Variants in CDH12 observed in about 807,000 individuals in gnomAD.
CDH12 encodes cadherin 12.
Under a neutral mutation model 74.1 loss-of-function variants are expected in CDH12, and 41 were observed. That is an observed-to-expected ratio of 0.55 (90% CI 0.43 to 0.72). CDH12 has a LOEUF of 0.72. CDH12 is among the 30% of genes least tolerant of loss of function. CDH12 has a pLI of 0.00. For synonymous variants in CDH12, 399 were observed against 355.0 expected, an observed-to-expected ratio of 1.12 and a Z score of -1.39; for missense variants, 945 against 977.2, an observed-to-expected ratio of 0.97 and a Z score of 0.44.
chr5:22,037,498 C>G (rs566591692), intron 5 of CDH12, among the ~76,000 whole-genome samples: 10 of 152,234 alleles, frequency 6.6e-5, no homozygotes, highest in African/African-American at 2.4e-4. Flanking sequence ...CCAAGAGGCC[C>G]CAGATGGAAT....
intron 5 of CDH12, among the ~76,000 whole-genome samples, chr5:22,061,105 A>G (rs974903712): frequency 3.3e-5 from 5 of 152,150 alleles, no homozygotes; most frequent in African/African-American, 1.2e-4. Context: ...ATGCAACAGC[A>G]CTCTTTAATA....
intron 3 of CDH12, among the ~76,000 whole-genome samples, chr5:22,321,946 A>G (rs913458360): frequency 6.6e-6 from 1 of 152,196 alleles, no homozygotes; most frequent in Non-Finnish European, 1.5e-5. Context: ...ATCTTGATAG[A>G]ACAATTGACT....
At chr5:22,114,733 T>C (rs184229345) in intron 4 of CDH12, among the ~76,000 whole-genome samples, 106 of 152,302 alleles carry the variant, frequency 7.0e-4, no homozygotes, top group African/African-American at 2.1e-3. Context: ...AGGATTCTAT[T>C]TGAAGCCACG....
At chr5:21,898,442 G>C (rs911446076) in intron 6 of CDH12, among the ~76,000 whole-genome samples, 5 of 152,020 alleles carry the variant, frequency 3.3e-5, no homozygotes, top group Non-Finnish European at 5.9e-5. Flanking sequence ...GTGGCTCACG[G>C]CTGTAATCCC....
At chr5:21,970,576 A>T (rs892648970) in intron 6 of CDH12, among the ~76,000 whole-genome samples, 2 of 152,050 alleles carry the variant, frequency 1.3e-5, no homozygotes, top group Non-Finnish European at 2.9e-5. Flanking sequence ...ACTGTGGCTC[A>T]TGTCCTTAAC....
In CDH12 at chr5:22,489,900, T is replaced by C. The variant is rs1029414580; in HGVS notation, c.-428+15370A>G. Among the ~76,000 whole-genome samples, 5 of 152,008 alleles carry C rather than the reference T, an allele frequency of 3.3e-5. No individual in the cohort carries two copies. The East Asian group carries it at 7.8e-4, about 24-fold the overall frequency. ...CTCCCTATGTTGCCCAGGCTGGTCTTGAATTCCTGAGCTCAAGTGAGATCC... is the reference window on the plus strand; with the variant it reads ...CTCCCTATGTTGCCCAGGCTGGTCTCGAATTCCTGAGCTCAAGTGAGATCC... On this transcript the variant is annotated intron_variant, in intron 2 of 14. Transcript: ENST00000382254.
intron 4 of CDH12, among the ~76,000 whole-genome samples, chr5:22,190,737 C>A (rs1750228019): frequency 6.6e-6 from 1 of 152,128 alleles, no homozygotes; most frequent in Admixed American, 6.5e-5. Context: ...CCTAGCAGAC[C>A]TGCCAGAGCT....
intron 3 of CDH12, among the ~76,000 whole-genome samples, chr5:22,221,492 A>G (rs1752012596): frequency 6.6e-6 from 1 of 151,858 alleles, no homozygotes; most frequent in African/African-American, 2.4e-5. Flanking sequence ...TCTTTATCAC[A>G]TGGTGTTTTA....
At chr5:22,548,102 T>A (rs1270500604) in intron 1 of CDH12, among the ~76,000 whole-genome samples, 1 of 152,220 alleles carries the variant, frequency 6.6e-6, no homozygotes. Flanking sequence ...ACTAAAAACA[T>A]CTACTTTACA....
intron 4 of CDH12, among the ~76,000 whole-genome samples, chr5:22,199,276 T>C (rs576271028): frequency 2.0e-5 from 3 of 152,158 alleles, no homozygotes; most frequent in South Asian, 4.1e-4. Flanking sequence ...GAAGAGACTC[T>C]ATGTTGATAC....
At chr5:22,437,709 C>T (rs1744462927) in intron 2 of CDH12, among the ~76,000 whole-genome samples, 1 of 151,512 alleles carries the variant, frequency 6.6e-6, no homozygotes, top group Non-Finnish European at 1.5e-5. Context: ...GCTAAGGACT[C>T]TCACAATCAA....
intron 7 of CDH12, among the ~76,000 whole-genome samples, chr5:21,852,253 A>C (rs2149998038): frequency 6.6e-6 from 1 of 151,496 alleles, no homozygotes; most frequent in Admixed American, 6.6e-5. Flanking sequence ...TGTTAATATC[A>C]AGACTTCTGT....
At chr5:22,142,499 G>C in intron 4 of CDH12, 1 of 650,984 alleles carries the variant, frequency 1.5e-6, no homozygotes, top group Middle Eastern at 2.7e-4. Flanking sequence ...TGGGGTTCAG[G>C]ATACCGAATC....
chr5:22,741,795 C>G (rs1745036875), intron 1 of CDH12, among the ~76,000 whole-genome samples: 1 of 152,154 alleles, frequency 6.6e-6, no homozygotes, highest in South Asian at 2.1e-4. Context: ...CAAGGGTTTA[C>G]CACCATTTGG....
chr5:22,843,886 C>T (rs961195712), intron 1 of CDH12, among the ~76,000 whole-genome samples: 1 of 151,998 alleles, frequency 6.6e-6, no homozygotes, highest in Non-Finnish European at 1.5e-5. Flanking sequence ...AGAAATATGA[C>T]TTTTTAAAAA....
intron 5 of CDH12, among the ~76,000 whole-genome samples, chr5:22,029,195 GGC>G (rs1738621908): frequency 1.3e-5 from 2 of 152,064 alleles, no homozygotes; most frequent in African/African-American, 4.8e-5. Context: ...TCAGGACATA[GGC>G]ATGGGCAAGG....
At chr5:22,098,720 C>A (rs1199430498) in intron 4 of CDH12, among the ~76,000 whole-genome samples, 2 of 152,158 alleles carry the variant, frequency 1.3e-5, no homozygotes, top group Non-Finnish European at 2.9e-5. Context: ...CCTGATACCA[C>A]ACCTGACCCC....
chr5:21,955,294 T>C (rs1756045563), intron 6 of CDH12, among the ~76,000 whole-genome samples: 2 of 151,880 alleles, frequency 1.3e-5, no homozygotes, highest in Non-Finnish European at 1.5e-5. Flanking sequence ...TTATAAAATA[T>C]AGGTTTTAAT....
In CDH12 at chr5:21,755,666, C is replaced by T. The variant is rs770584780; in HGVS notation, c.1810G>A (p.Glu604Lys). 9 of 1,613,928 alleles carry T rather than the reference C, an allele frequency of 5.6e-6. No homozygotes were observed. In the East Asian group the frequency reaches 1.6e-4, roughly 28 times the overall value. The change falls in exon 14 of 15, where the codon GAA (glutamate) becomes AAA (lysine). Residue 604 changes from glutamate (E) to lysine (K), a missense_variant. By Grantham distance (56) the Glu-to-Lys change is moderately conservative. This residue lies in a region of CDH12 where 791 missense variants were observed against 792.8 expected (regional missense o/e 1.00). Transcript: ENST00000382254. ...AGTCCTACAGGTAGAAAAATTGCTT[C>T]CACATTACAAGACAGGATGGTGCCA... The part of the protein sequence containing the change: ...SDGTILSCNV[E>K]AIFLPVGLST...
Sources: gnomAD v4.1 joint callset for allele counts (sites outside exome capture counted in the v4.1 genomes callset) on GRCh38, gnomAD v4.1.1 for gene constraint, gnomAD v4.1.1 regional missense constraint, MANE v1.5 for transcripts, NCBI Gene and HGNC (gene_info 2026-07-23, HGNC 2026-07-21) for gene names.